Variants in KCNN2 observed in about 807,000 individuals in gnomAD.
KCNN2 encodes the protein potassium calcium-activated channel subfamily N member 2.
In KCNN2, 24 loss-of-function variants were observed where a neutral mutation model predicts 55.5. The ratio of observed to expected loss-of-function variants is 0.43; its 90% CI spans 0.31 to 0.61. The LOEUF (loss-of-function observed/expected upper bound fraction) is 0.61, where lower values mean the gene tolerates loss of function less well. Among genes scored for constraint, KCNN2 ranks in the 20% least tolerant of loss-of-function variants. KCNN2 has a pLI of 0.08. For synonymous variants in KCNN2, 431 were observed against 336.1 expected, an observed-to-expected ratio of 1.28 and a Z score of -3.09; for missense variants, 754 against 853.6, an observed-to-expected ratio of 0.88 and a Z score of 1.45.
At chr5:114,289,990 A>G (rs1451497263) in intron 2 of KCNN2, among the ~76,000 whole-genome samples, 1 of 152,024 alleles carries the variant, frequency 6.6e-6, no homozygotes, top group Non-Finnish European at 1.5e-5. Flanking sequence ...AAAAAACACA[A>G]CTGTACTGTG....
At chr5:114,194,583 C>G (rs188862183) in intron 1 of KCNN2, among the ~76,000 whole-genome samples, 3 of 151,902 alleles carry the variant, frequency 2.0e-5, no homozygotes, top group Non-Finnish European at 2.9e-5. Flanking sequence ...GGGTTTGTTA[C>G]GTATTCTGAA....
At chr5:114,442,276 C>CTG (rs1760246701) in intron 3 of KCNN2, among the ~76,000 whole-genome samples, 1 of 148,812 alleles carries the variant, frequency 6.7e-6, no homozygotes, top group South Asian at 2.1e-4. Flanking sequence ...CATATATTTA[C>CTG]TGTATATATA....
chr5:114,096,593 A>G (rs949737861), intron 1 of KCNN2, among the ~76,000 whole-genome samples: 1 of 151,674 alleles, frequency 6.6e-6, no homozygotes, highest in Non-Finnish European at 1.5e-5. Flanking sequence ...GTTCTTACTC[A>G]CCTCCCACAG....
chr5:114,288,515 C>T (rs1202524204), intron 2 of KCNN2, among the ~76,000 whole-genome samples: 9 of 151,824 alleles, frequency 5.9e-5, no homozygotes, highest in African/African-American at 2.2e-4. Context: ...CACACACACA[C>T]ACACACACAC....
intron 2 of KCNN2, among the ~76,000 whole-genome samples, chr5:114,343,662 A>C (rs1039482763): frequency 6.6e-6 from 1 of 151,296 alleles, no homozygotes; most frequent in Non-Finnish European, 1.5e-5. Flanking sequence ...AGACTTGAAT[A>C]CCATGGCTAC....
intron 1 of KCNN2, among the ~76,000 whole-genome samples, chr5:114,087,765 C>T (rs6873087): frequency 0.42 from 64,125 of 151,744 alleles, 13,991 homozygotes; most frequent in East Asian, 0.67. Flanking sequence ...CTTGGCTTAT[C>T]AACTGCTTTG....
intron 3 of KCNN2, among the ~76,000 whole-genome samples, chr5:114,409,925 ATC>A (rs1759076269): frequency 6.6e-6 from 1 of 152,106 alleles, no homozygotes; most frequent in Non-Finnish European, 1.5e-5. Flanking sequence ...AGAAGGAAGA[ATC>A]TAGCATTATT....
intron 2 of KCNN2, among the ~76,000 whole-genome samples, chr5:114,234,258 A>G (rs1192331472): frequency 1.3e-5 from 2 of 152,114 alleles, no homozygotes; most frequent in Non-Finnish European, 2.9e-5. Context: ...CATAAGTCAT[A>G]TGTATTTTTT....
intron 1 of KCNN2, among the ~76,000 whole-genome samples, chr5:114,211,718 G>A (rs1753889108): frequency 6.6e-6 from 1 of 152,002 alleles, no homozygotes; most frequent in Admixed American, 6.6e-5. Context: ...TTAAAAAGAT[G>A]TTACAGTAAT....
rs149418158 is a variant in KCNN2 at position 114,230,243 on chromosome 5, A to G, written c.-185+8678A>G. ...CTTCATTTCTGAGATACTGACAATG[A>G]TAGACCCAAGGGGTAGTGATATTCT... On this transcript the variant is annotated intron_variant, in intron 2 of 10. Transcript: ENST00000512097. Among the ~76,000 whole-genome samples the G allele has an allele frequency of 8.4e-3, 1,269 of 151,416 alleles. 16 individuals carry two copies. Among genetic ancestry groups the G allele is most frequent in the African/African-American group, 0.029 (1,213 of 41,308 alleles).
rs1352770725 is a variant in KCNN2 at position 114,106,640 on chromosome 5, G to GT, written c.-271+50142dup. Reference sequence around the variant, plus strand: ...GACTAATGGCACTGAGGATTTTCCAGTTGTTTTTTTTTTTTTTTTGGTCAT... The same window carrying GT: ...GACTAATGGCACTGAGGATTTTCCAGTTTGTTTTTTTTTTTTTTTTGGTCAT... On this transcript the variant is annotated intron_variant, in intron 1 of 10. Transcript: ENST00000512097. Among the ~76,000 whole-genome samples the GT allele has an allele frequency of 1.4e-4, 13 of 92,792 alleles. 1 individual carries two copies. The highest frequency in any genetic ancestry group is 1.0e-3 in the South Asian group (3 of 2,900). 60.9% of individuals were successfully genotyped at this position (92,792 alleles called of 152,430 possible).
Position 114,257,614 on chromosome 5 carries a change from G to A in KCNN2, c.-185+36049G>A, listed in dbSNP as rs545948605. ...CTTGATTTTTTATTTTGTAGCTATTGTAAATGGGATTGACTTCTTGATTTG... is the reference window on the plus strand; with the variant it reads ...CTTGATTTTTTATTTTGTAGCTATTATAAATGGGATTGACTTCTTGATTTG... On this transcript the variant is annotated intron_variant, in intron 2 of 10. Transcript: ENST00000512097. 2.0e-5 allele frequency among the ~76,000 whole-genome samples: 3 copies of A among 152,054 alleles called. No homozygotes were observed. The East Asian group carries it at 5.8e-4, about 29-fold the overall frequency.
chr5:114,283,740 A>G (rs758252217), intron 2 of KCNN2, among the ~76,000 whole-genome samples: 5 of 152,200 alleles, frequency 3.3e-5, no homozygotes, highest in Non-Finnish European at 5.9e-5. Context: ...TATTTTTTGT[A>G]TTCCAGGTAC....
At chr5:114,406,939 A>G (rs1758954548) in intron 3 of KCNN2, among the ~76,000 whole-genome samples, 1 of 152,162 alleles carries the variant, frequency 6.6e-6, no homozygotes, top group African/African-American at 2.4e-5. Flanking sequence ...AGCTGGATAT[A>G]AAACTCTAGA....
intron 1 of KCNN2, among the ~76,000 whole-genome samples, chr5:114,058,492 A>G (rs1466973870): frequency 6.6e-6 from 1 of 152,206 alleles, no homozygotes; most frequent in African/African-American, 2.4e-5. Context: ...ACAAAGTATG[A>G]CAGGGCATGC....
intron 1 of KCNN2, among the ~76,000 whole-genome samples, chr5:114,219,774 T>C (rs1754094655): frequency 6.6e-6 from 1 of 152,166 alleles, no homozygotes; most frequent in Non-Finnish European, 1.5e-5. Flanking sequence ...AGAATTTCTC[T>C]GCCCTTGTCC....
At chr5:114,393,157 C>G (rs966530779) in intron 2 of KCNN2, among the ~76,000 whole-genome samples, 75 of 152,154 alleles carry the variant, frequency 4.9e-4, no homozygotes, top group African/African-American at 1.8e-3. Context: ...ACATCAAACA[C>G]TGAGAGGCTT....
At chr5:114,288,213 C>T (rs1755796110) in intron 2 of KCNN2, among the ~76,000 whole-genome samples, 1 of 152,158 alleles carries the variant, frequency 6.6e-6, no homozygotes, top group Admixed American at 6.5e-5. Flanking sequence ...ACATTTCCTT[C>T]TGTGTATATA....
intron 3 of KCNN2, among the ~76,000 whole-genome samples, chr5:114,407,090 A>T (rs1279522070): frequency 6.6e-6 from 1 of 152,022 alleles, no homozygotes; most frequent in Non-Finnish European, 1.5e-5. Flanking sequence ...TTACACAAGG[A>T]TGTAATTTAA....
Sources: gnomAD v4.1 joint callset for allele counts (sites outside exome capture counted in the v4.1 genomes callset) on GRCh38, gnomAD v4.1.1 for gene constraint, MANE v1.5 for transcripts, NCBI Gene and HGNC (gene_info 2026-07-23, HGNC 2026-07-21) for gene names.